The following TRIM15 variants were observed in gnomAD, a reference collection of about 807,000 sequenced individuals.
TRIM15 encodes the protein E3 ubiquitin-protein ligase TRIM15.
TRIM15 carries 35 observed loss-of-function variants against 35.8 expected under a neutral mutation model. That is an observed-to-expected ratio of 0.98 (90% CI 0.75 to 1.30). The LOEUF (loss-of-function observed/expected upper bound fraction) is 1.30. TRIM15 is among the 50% of genes most tolerant of loss of function. TRIM15 has a pLI of 0.00. For synonymous variants in TRIM15, 252 were observed against 249.8 expected (o/e 1.01, Z -0.08); for missense variants, 590 against 593.5 (o/e 0.99, Z 0.06).
At chr6:30,171,184 C>A in intron 6 of TRIM15, 176 bp downstream of exon 6, 1 of 647,520 alleles carries the variant, frequency 1.5e-6, no homozygotes, top group Non-Finnish European at 2.6e-6. Flanking sequence ...ACAATATTTT[C>A]TTCATCAGTA....
chr6:30,170,687 C>T (rs193017414), intron 5 of TRIM15, 71 bp downstream of exon 5: 56 of 1,227,912 alleles, frequency 4.6e-5, no homozygotes, highest in Admixed American at 1.8e-4. Context: ...CATCTCCATC[C>T]TTCTCTGCCC....
chr6:30,172,484 G>T lies in TRIM15; in HGVS notation c.*135G>T. On this transcript the variant is annotated 3_prime_UTR_variant, in exon 7 of 7. Coordinates refer to ENST00000376694, the MANE Select transcript of TRIM15 (RefSeq NM_033229.3). ...GAACAGGGGACTTGAGTCTCGAACA[G>T]CGGTTGTTTTTACTTTATTTATCTT... 2.2e-6 allele frequency: 3 copies of T among 1,337,296 alleles called. No individual in the cohort carries two copies. Among genetic ancestry groups the T allele is most frequent in the Non-Finnish European group, 1.0e-6 (1 of 974,554 alleles). 82.8% of individuals were successfully genotyped at this position (1,337,296 alleles called of 1,614,324 possible).
chr6:30,172,120 T>A lies in TRIM15; in HGVS notation c.1169T>A (p.Ile390Asn). Reference protein sequence around the residue: ...LSAEDGVWAVIISHQQCWAST... With the variant: ...LSAEDGVWAVNISHQQCWAST... ...GCCGAGGACGGCGTCTGGGCCGTGA[T>A]CATCTCGCACCAGCAGTGCTGGGCC... is the stretch of plus-strand genomic sequence containing the variant. Residue 390 changes from isoleucine to asparagine, a missense_variant, in exon 7 of 7, where the codon ATC becomes AAC. Ile to Asn is a moderately radical substitution (Grantham distance 149, BLOSUM62 -3). Coordinates refer to ENST00000376694, the MANE Select transcript of TRIM15 (RefSeq NM_033229.3). 2 of 1,582,304 alleles carry A rather than the reference T, an allele frequency of 1.3e-6. No homozygotes were observed. The highest frequency in any genetic ancestry group is 1.7e-6 in the Non-Finnish European group (2 of 1,164,604).
rs750050344 is a variant in TRIM15, at chr6:30,170,565, G to T, written c.796G>T (p.Asp266Tyr). 1.2e-6 allele frequency: 2 copies of T among 1,614,114 alleles called. No homozygotes were observed. The highest frequency in any genetic ancestry group is 2.7e-5 in the African/African-American group (2 of 75,026). ...TCCTGACCTTGTCAAGAAGATCCGT[G>T]ATTTCCACAGGAAAATACTCACCCT... The part of the protein sequence containing the change: ...ISPDLVKKIR[D>Y]FHRKILTLPE... Residue 266 changes from aspartate (D) to tyrosine (Y), a missense_variant, in exon 5 of 7, where the codon GAT becomes TAT. By Grantham distance (160) the Asp-to-Tyr change is radical. Transcript: ENST00000376694.
chr6:30,172,430 G>A lies in TRIM15; in HGVS notation c.*81G>A. On this transcript the variant is annotated 3_prime_UTR_variant, in exon 7 of 7. Coordinates refer to ENST00000376694, the MANE Select transcript of TRIM15 (RefSeq NM_033229.3). ...CCGCCCCTGGCCAGTGTGCGGCCCG[G>A]GGGCTCCCTGTGCCCGCGTGAGGCG... The A allele has an allele frequency of 6.6e-7, 1 of 1,518,492 alleles. No individual in the cohort carries two copies. The highest frequency in any genetic ancestry group is 2.3e-5 in the East Asian group (1 of 44,160). 94.1% of individuals were successfully genotyped at this position (1,518,492 alleles called of 1,614,324 possible).
rs1483034594 is a variant in TRIM15, at chr6:30,170,999, A to G, written c.871A>G (p.Ile291Val). The G allele has an allele frequency of 1.2e-6, 2 of 1,611,712 alleles. No individual in the cohort carries two copies. The highest frequency in any genetic ancestry group is 1.7e-6 in the Non-Finnish European group (2 of 1,179,346). The change falls in exon 6 of 7, where the codon ATA becomes GTA. Residue 291 changes from isoleucine to valine, a missense_variant. By Grantham distance (29) the Ile-to-Val change is conservative. Transcript: ENST00000376694. Reference protein sequence around the residue: ...FSENLAHHLEIDSGVITLDPQ... With the variant: ...FSENLAHHLEVDSGVITLDPQ... ...AGAAAACTTGGCGCATCATCTGGAA[A>G]TAGATTCAGGTAAACAGCTTGGGAT...
intron 6 of TRIM15, 78 bp from the exon 7 acceptor site, chr6:30,171,754 C>T (rs1455497595): frequency 7.0e-7 from 1 of 1,438,096 alleles, no homozygotes; most frequent in African/African-American, 1.4e-5. Context: ...ACTCCTTCTG[C>T]CTCCCACGTG....
In TRIM15 at chr6:30,171,999, C is replaced by A. The variant is rs777796051; in HGVS notation, c.1048C>A (p.Arg350Ser). ...GFPGFSSGRH[R>S]WQVDLQLGDG... ...CCCGGGCTTCTCCTCCGGGCGCCAC[C>A]GCTGGCAGGTTGACCTGCAGCTGGG... Residue 350 changes from arginine (R) to serine (S), a missense_variant, in exon 7 of 7, where the codon CGC becomes AGC. Coordinates refer to ENST00000376694, the MANE Select transcript of TRIM15 (RefSeq NM_033229.3). 1 of 1,579,170 alleles carries A rather than the reference C, an allele frequency of 6.3e-7. No individual in the cohort carries two copies. The highest frequency in any genetic ancestry group is 8.6e-7 in the Non-Finnish European group (1 of 1,162,042).
intron 4 of TRIM15, 106 bp from the exon 5 acceptor site, chr6:30,170,395 C>T: frequency 3.0e-6 from 2 of 669,820 alleles, no homozygotes; most frequent in Admixed American, 5.4e-5. Context: ...CATTATTCAC[C>T]ACAGACGCCA....
intron 4 of TRIM15, chr6:30,169,783 T>C: frequency 2.9e-6 from 1 of 347,508 alleles, no homozygotes; most frequent in Non-Finnish European, 5.6e-6. Flanking sequence ...TTTCCTTCCC[T>C]GTCTGCTATA....
At chr6:30,169,487 C>T (rs1425166537) in intron 4 of TRIM15, 1 of 701,332 alleles carries the variant, frequency 1.4e-6, no homozygotes, top group East Asian at 2.7e-5. Flanking sequence ...CATTTTTTCC[C>T]CTAGAAGTGA....
At chr6:30,170,923 C>T (rs1312459696) in intron 5 of TRIM15, 53 bp from the exon 6 acceptor site, 2 of 1,585,428 alleles carry the variant, frequency 1.3e-6, no homozygotes, top group East Asian at 2.2e-5. Flanking sequence ...CCTGGGGGTG[C>T]CTATAAGAAG....
In TRIM15 at chr6:30,172,600, G is replaced by GTT. The variant is rs1318411872; in HGVS notation, c.*252_*253insTT. 1 of 708,998 alleles carries GTT rather than the reference G, an allele frequency of 1.4e-6. No individual in the cohort carries two copies. Among genetic ancestry groups the GTT allele is most frequent in the Non-Finnish European group, 2.5e-6 (1 of 394,554 alleles). The allele number at this position is 708,998 out of a possible 1,614,324, so 43.9% of individuals were successfully genotyped here. A position where few individuals can be genotyped will look rare whatever the true frequency, so the allele number is the denominator to read the frequency against. Reference sequence around the variant, plus strand: ...TGCAGAACCACAGACGGCTTCGGCTGTGCCTAGGGCAACAGCCAACCTAGG... The same window carrying GTT: ...TGCAGAACCACAGACGGCTTCGGCTGTTTGCCTAGGGCAACAGCCAACCTAGG... On this transcript the variant is annotated 3_prime_UTR_variant, in exon 7 of 7. Transcript: ENST00000376694.
chr6:30,168,389 C>T lies in TRIM15; in HGVS notation c.567C>T (p.Ala189=). The change falls in exon 3 of 7, where the codon GCC becomes GCT. Residue 189 remains alanine (A), a synonymous_variant. Transcript: ENST00000376694. The part of the protein sequence containing the change: ...ELEQQRCLLL[A]RLRELEQQIW... ...AGCAGCAGCGATGTCTCCTGCTGGC[C>T]AGGCTGAGGGAGCTGGAGCAGCAGA... 1 of 1,612,934 alleles carries T rather than the reference C, an allele frequency of 6.2e-7. No individual in the cohort carries two copies. Among genetic ancestry groups the T allele is most frequent in the Non-Finnish European group, 8.5e-7 (1 of 1,179,998 alleles).
chr6:30,166,596 T>C (rs1562143346), intron 1 of TRIM15, among the ~76,000 whole-genome samples: 1 of 151,998 alleles, frequency 6.6e-6, no homozygotes, highest in Non-Finnish European at 1.5e-5. Context: ...GGCTCTTTAT[T>C]GGTTCCATAT....
chr6:30,171,739 C>T (rs1774026904), intron 6 of TRIM15, 93 bp from the exon 7 acceptor site: 3 of 1,423,228 alleles, frequency 2.1e-6, no homozygotes, highest in African/African-American at 2.9e-5. Context: ...CTGCCCAAGT[C>T]CAGTACTCCT....
intron 4 of TRIM15, among the ~76,000 whole-genome samples, chr6:30,169,674 T>C (rs943706519): frequency 2.0e-5 from 3 of 152,232 alleles, no homozygotes; most frequent in Non-Finnish European, 4.4e-5. Flanking sequence ...CTTTCATTCA[T>C]TCATTTTTTA....
chr6:30,170,159 G>C (rs558782526), intron 4 of TRIM15, among the ~76,000 whole-genome samples: 1 of 152,014 alleles, frequency 6.6e-6, no homozygotes, highest in Non-Finnish European at 1.5e-5. Context: ...GCATACACAA[G>C]GGTAGTTTAA....
chr6:30,172,094 C>A lies in TRIM15; in HGVS notation c.1143C>A (p.Ser381Arg), dbSNP rs1418225960. The part of the protein sequence containing the change: ...GVRRKGEMGL[S>R]AEDGVWAVII... ...GGAGGAAGGGAGAGATGGGACTCAG[C>A]GCCGAGGACGGCGTCTGGGCCGTGA... is the stretch of plus-strand genomic sequence containing the variant. The change falls in exon 7 of 7, where the codon AGC (serine) becomes AGA (arginine). Residue 381 changes from serine (S) to arginine (R), a missense_variant. By Grantham distance (110) the Ser-to-Arg change is moderately radical. Transcript: ENST00000376694. 8 of 1,576,542 alleles carry A rather than the reference C, an allele frequency of 5.1e-6. No homozygotes were observed. The African/African-American group carries it at 6.7e-5, about 13-fold the overall frequency.
Sources: allele counts gnomAD v4.1 joint callset (sites outside exome capture counted in the v4.1 genomes callset), GRCh38; gene constraint gnomAD v4.1.1; transcripts MANE v1.5; gene names NCBI Gene and HGNC (gene_info 2026-07-23, HGNC 2026-07-21).